The following NLK variants were observed in gnomAD, a reference collection of about 807,000 sequenced individuals.
NLK encodes serine/threonine-protein kinase NLK.
A neutral mutation model predicts 59.0 loss-of-function variants in NLK; 11 were observed. The observed-to-expected ratio is 0.19, with a 90% CI of 0.12 to 0.31. The LOEUF (loss-of-function observed/expected upper bound fraction) is 0.31, where lower values mean the gene tolerates loss of function less well. NLK is among the 10% of genes least tolerant of loss of function. The pLI is 1.00. For synonymous variants in NLK, 235 were observed against 235.9 expected (o/e 1.00, Z 0.03); for missense variants, 410 against 661.1 (o/e 0.62, Z 4.16).
intron 3 of NLK, among the ~76,000 whole-genome samples, chr17:28,143,192 T>C (rs1167849333): frequency 6.6e-6 from 1 of 151,952 alleles, no homozygotes; most frequent in Non-Finnish European, 1.5e-5. Context: ...TACAGGCACA[T>C]GCCAGCACAC....
chr17:28,162,918 C>CAAAA (rs34292175), intron 4 of NLK, among the ~76,000 whole-genome samples: 1 of 117,828 alleles, frequency 8.5e-6, no homozygotes, highest in East Asian at 2.4e-4. Flanking sequence ...GACCCTGTCT[C>CAAAA]AAAAAAAAAA....
chr17:28,128,108 A>T (rs1906365199), intron 2 of NLK, among the ~76,000 whole-genome samples: 1 of 152,200 alleles, frequency 6.6e-6, no homozygotes, highest in African/African-American at 2.4e-5. Context: ...ACATAAATTA[A>T]TTCAAAATGG....
At chr17:28,136,291 TTC>T (rs1906742593) in intron 3 of NLK, among the ~76,000 whole-genome samples, 2 of 152,342 alleles carry the variant, frequency 1.3e-5, no homozygotes, top group South Asian at 4.1e-4. Flanking sequence ...TTCAGTAGTC[TTC>T]TGTTTTCTGC....
At chr17:28,141,644 CT>C (rs1906997592) in intron 3 of NLK, among the ~76,000 whole-genome samples, 1 of 152,126 alleles carries the variant, frequency 6.6e-6, no homozygotes, top group South Asian at 2.1e-4. Flanking sequence ...TTACTTGGGT[CT>C]AATTTGAAAG....
chr17:28,198,475 C>T (rs1909540954), downstream of NLK, among the ~76,000 whole-genome samples: 2 of 152,172 alleles, frequency 1.3e-5, no homozygotes, highest in Admixed American at 6.5e-5. Flanking sequence ...AGGCACATGC[C>T]ACTACCACCC....
chr17:28,203,160 T>TACACACACACACACACACACACACACAC, the NLK span, among the ~76,000 whole-genome samples: 109 of 127,128 alleles, frequency 8.6e-4, 2 homozygotes, highest in Middle Eastern at 4.0e-3. Flanking sequence ...TGTATATACA[T>TACACACACACACACACACACACACACAC]ACATACACAC....
intron 2 of NLK, among the ~76,000 whole-genome samples, chr17:28,124,167 G>A (rs1358612298): frequency 6.6e-6 from 1 of 152,012 alleles, no homozygotes; most frequent in East Asian, 1.9e-4. Flanking sequence ...TTTTTTTAAA[G>A]GGCATTGCTG....
intron 1 of NLK, among the ~76,000 whole-genome samples, chr17:28,117,935 T>C (rs1460845407): frequency 6.6e-6 from 1 of 152,154 alleles, no homozygotes; most frequent in African/African-American, 2.4e-5. Context: ...TGCACACAAA[T>C]TATAGCCCTT....
At chr17:28,173,365 T>A (rs1908549007) in intron 7 of NLK, among the ~76,000 whole-genome samples, 1 of 152,150 alleles carries the variant, frequency 6.6e-6, no homozygotes, top group Non-Finnish European at 1.5e-5. Flanking sequence ...GACGTTTAGA[T>A]TATCTGATTG....
At chr17:28,157,928 T>TA (rs1907847653) in intron 3 of NLK, among the ~76,000 whole-genome samples, 1 of 152,238 alleles carries the variant, frequency 6.6e-6, no homozygotes, top group Non-Finnish European at 1.5e-5. Flanking sequence ...TATAGGGACC[T>TA]ACTATGTGCA....
At chr17:28,148,094 A>G (rs1198863769) in intron 3 of NLK, among the ~76,000 whole-genome samples, 1 of 152,176 alleles carries the variant, frequency 6.6e-6, no homozygotes, top group African/African-American at 2.4e-5. Context: ...AGAAATTGTT[A>G]ATTTTTACTG....
At chr17:28,120,939 T>C (rs1906019265) in intron 1 of NLK, among the ~76,000 whole-genome samples, 2 of 152,236 alleles carry the variant, frequency 1.3e-5, no homozygotes, top group Admixed American at 6.5e-5. Flanking sequence ...TAATTGAATA[T>C]CCATACTCAA....
chr17:28,145,794 C>CTCCA (rs1907220292), intron 3 of NLK, among the ~76,000 whole-genome samples: 1 of 152,122 alleles, frequency 6.6e-6, no homozygotes, highest in Admixed American at 6.5e-5. Context: ...CAGCCTCCAC[C>CTCCA]TCCAGGGTTC....
chr17:28,104,340 C>T (rs538228165), intron 1 of NLK, among the ~76,000 whole-genome samples: 5 of 152,186 alleles, frequency 3.3e-5, no homozygotes, highest in South Asian at 4.2e-4. Flanking sequence ...CTGCAACATC[C>T]GCCTCCCGGG....
At chr17:28,123,255 C>T (rs937804715) in intron 2 of NLK, among the ~76,000 whole-genome samples, 6 of 152,194 alleles carry the variant, frequency 3.9e-5, no homozygotes, top group African/African-American at 1.4e-4. Context: ...ATCTGAATGT[C>T]TTTTTTAATT....
At chr17:28,146,444 C>G (rs1486733547) in intron 3 of NLK, among the ~76,000 whole-genome samples, 1 of 151,998 alleles carries the variant, frequency 6.6e-6, no homozygotes, top group African/African-American at 2.4e-5. Flanking sequence ...CCACCTAAAT[C>G]GTTTTCTGTG....
rs1910069689 is a variant in NLK, at chr17:28,073,349, C to G, written c.458+30018C>G. Among the ~76,000 whole-genome samples, 3 of 152,148 alleles carry G rather than the reference C, an allele frequency of 2.0e-5. No homozygotes were observed. In the South Asian group the frequency reaches 6.2e-4, roughly 32 times the overall value. ...GTCTCCTGGGAAGGGCCCCAGGTGG[C>G]CTCCTGTCATCTCAGCAAGTAGCCC... On this transcript the variant is annotated intron_variant, in intron 1 of 10. Coordinates refer to ENST00000407008, the MANE Select transcript of NLK (RefSeq NM_016231.5).
At chr17:28,081,962 C>T (rs1363569935) in intron 1 of NLK, among the ~76,000 whole-genome samples, 3 of 152,200 alleles carry the variant, frequency 2.0e-5, no homozygotes, top group Non-Finnish European at 2.9e-5. Context: ...GGAGCGATCT[C>T]GGATCACTGT....
At chr17:28,151,009 G>A (rs914076935) in intron 3 of NLK, among the ~76,000 whole-genome samples, 2 of 152,138 alleles carry the variant, frequency 1.3e-5, no homozygotes, top group African/African-American at 4.8e-5. Flanking sequence ...AGAAAGACCA[G>A]GAGAGGGAAG....
Sources: gnomAD v4.1 joint callset for allele counts (sites outside exome capture counted in the v4.1 genomes callset) on GRCh38, gnomAD v4.1.1 for gene constraint, MANE v1.5 for transcripts, NCBI Gene and HGNC (gene_info 2026-07-23, HGNC 2026-07-21) for gene names.